PRICKLE1: variants seen among roughly 807,000 people sequenced by gnomAD.
The protein encoded by PRICKLE1 is prickle planar cell polarity protein 1.
In PRICKLE1, 14 loss-of-function variants were observed where a neutral mutation model predicts 70.2. The observed-to-expected ratio is 0.20, with a 90% CI of 0.13 to 0.31. The LOEUF (loss-of-function observed/expected upper bound fraction) is 0.31. Ranked by LOEUF, PRICKLE1 falls within the 10% of genes least tolerant of loss-of-function variation. The probability of loss-of-function intolerance (pLI) is 1.00; values close to 1 mark genes in which losing one functional copy is unlikely to be tolerated. For missense variants in PRICKLE1, 821 were observed against 1,026.2 expected, an observed-to-expected ratio of 0.80 and a Z score of 2.73; for synonymous variants, 357 against 379.9, an observed-to-expected ratio of 0.94 and a Z score of 0.70.
In PRICKLE1 at chr12:42,575,687, C is replaced by T. The variant is rs542860576; in HGVS notation, c.-49+13778G>A. On this transcript the variant is annotated intron_variant, in intron 1 of 7. Coordinates refer to ENST00000345127, the MANE Select transcript of PRICKLE1 (RefSeq NM_153026.3). ...CCAGCCTGGGTGACAGAGCGAAACT[C>T]CATCTCAAAAAAAAATAAAAAAAAA... 3.3e-5 allele frequency among the ~76,000 whole-genome samples: 5 copies of T among 151,290 alleles called. No individual in the cohort carries two copies. In the South Asian group the frequency reaches 1.0e-3, roughly 32 times the overall value.
intron 1 of PRICKLE1, among the ~76,000 whole-genome samples, chr12:42,501,372 T>C (rs1055816425): frequency 1.3e-5 from 2 of 151,858 alleles, no homozygotes; most frequent in Non-Finnish European, 2.9e-5. Context: ...TAGCTGGGCA[T>C]GGAGGCGCGT....
chr12:42,464,924 G>T lies in PRICKLE1; in HGVS notation c.1110C>A (p.Thr370=). The change falls in exon 7 of 8, where the codon ACC becomes ACA. Residue 370 remains threonine, a synonymous_variant. Transcript: ENST00000345127. The surrounding 1 kb of genome is among the most constrained non-coding windows in gnomAD (Gnocchi z 4.2). ...TCAGATCATCCAATTTTCGAGAAAG[G>T]GTGTCATCAGCATTGCCTGAGAGGC... is the stretch of plus-strand genomic sequence containing the variant. The part of the protein sequence containing the change: ...FPGLSGNADD[T]LSRKLDDLSL... The T allele has an allele frequency of 6.2e-7, 1 of 1,614,108 alleles. No individual in the cohort carries two copies. Among genetic ancestry groups the T allele is most frequent in the Non-Finnish European group, 8.5e-7 (1 of 1,180,008 alleles).
chr12:42,496,975 T>C (rs1391840272), intron 1 of PRICKLE1, among the ~76,000 whole-genome samples: 1 of 151,944 alleles, frequency 6.6e-6, no homozygotes, highest in African/African-American at 2.4e-5. Context: ...AACTATTCCT[T>C]TGCAGTCACA....
chr12:42,524,946 A>G (rs1181724442), intron 1 of PRICKLE1: 1 of 152,130 alleles, frequency 6.6e-6, no homozygotes, highest in African/African-American at 2.4e-5. Context: ...GGAATGTCCA[A>G]CGTGATTTCA....
At chr12:42,475,143 T>C (rs1466457884) in intron 1 of PRICKLE1, among the ~76,000 whole-genome samples, 1 of 152,234 alleles carries the variant, frequency 6.6e-6, no homozygotes, top group African/African-American at 2.4e-5. Context: ...ATCTCAATCT[T>C]ACAATTCCCA....
Position 42,584,632 on chromosome 12 carries a change from T to C in PRICKLE1, c.-49+4833A>G, listed in dbSNP as rs1453586795. Among the ~76,000 whole-genome samples the C allele has an allele frequency of 3.3e-5, 5 of 152,066 alleles. 1 individual carries two copies. The highest frequency in any genetic ancestry group is 3.8e-4 in the East Asian group (2 of 5,196). On this transcript the variant is annotated intron_variant, in intron 1 of 7. Transcript: ENST00000345127. ...TAGCCTTTATTTAAATTAAAAGCAA[T>C]CACAGCCTGATTCTTGGAACACACT...
chr12:42,551,141 CTT>C (rs553492750), intron 1 of PRICKLE1, among the ~76,000 whole-genome samples: 11 of 152,146 alleles, frequency 7.2e-5, no homozygotes, highest in Non-Finnish European at 4.4e-5. Context: ...TCAGCTAACT[CTT>C]TTTAAAAATT....
intron 1 of PRICKLE1, among the ~76,000 whole-genome samples, chr12:42,572,698 GC>G (rs1940739025): frequency 6.6e-6 from 1 of 151,880 alleles, no homozygotes; most frequent in African/African-American, 2.4e-5. Context: ...ATGGTGGCAT[GC>G]CCCTGTAGTC....
At chr12:42,569,818 T>C (rs1940678396) in intron 1 of PRICKLE1, among the ~76,000 whole-genome samples, 4 of 151,996 alleles carry the variant, frequency 2.6e-5, no homozygotes. Flanking sequence ...ATGTTTAAGA[T>C]GAGCATTGTG....
intron 1 of PRICKLE1, among the ~76,000 whole-genome samples, chr12:42,519,369 T>G (rs1379373200): frequency 6.6e-6 from 1 of 151,792 alleles, no homozygotes; most frequent in Non-Finnish European, 1.5e-5. Context: ...GCTAATTTTG[T>G]GTTTTTAGTA....
chr12:42,544,178 G>T (rs1172138490), intron 1 of PRICKLE1, among the ~76,000 whole-genome samples: 1 of 152,122 alleles, frequency 6.6e-6, no homozygotes, highest in Non-Finnish European at 1.5e-5. Context: ...CAACATTGCT[G>T]CCCATCAAGA....
chr12:42,532,402 T>C (rs1034575097), intron 1 of PRICKLE1, among the ~76,000 whole-genome samples: 1 of 152,208 alleles, frequency 6.6e-6, no homozygotes, highest in Admixed American at 6.5e-5. Context: ...TATAAAACTA[T>C]AGACCAGTGT....
At chr12:42,586,688 G>A (rs967032998) in intron 1 of PRICKLE1, among the ~76,000 whole-genome samples, 9 of 152,084 alleles carry the variant, frequency 5.9e-5, no homozygotes, top group Admixed American at 1.3e-4. Context: ...CTTAATTACT[G>A]GAAAATACTT....
chr12:42,567,331 T>C (rs1234634633), intron 1 of PRICKLE1, among the ~76,000 whole-genome samples: 1 of 152,250 alleles, frequency 6.6e-6, no homozygotes, highest in Non-Finnish European at 1.5e-5. Flanking sequence ...GAACTTGTTT[T>C]ATGAAGACTA....
At chr12:42,576,863 C>T (rs1364924486) in intron 1 of PRICKLE1, among the ~76,000 whole-genome samples, 1 of 152,146 alleles carries the variant, frequency 6.6e-6, no homozygotes, top group Non-Finnish European at 1.5e-5. Context: ...CTAAAAGGAA[C>T]ATCTAGGCCA....
chr12:42,527,800 ACATGAT>A (rs1465871022), intron 1 of PRICKLE1, among the ~76,000 whole-genome samples: 1 of 151,670 alleles, frequency 6.6e-6, no homozygotes, highest in South Asian at 2.1e-4. Context: ...TTTAAATAAG[ACATGAT>A]CAAGAAGCAC....
intron 1 of PRICKLE1, among the ~76,000 whole-genome samples, chr12:42,503,768 C>T (rs1939356911): frequency 1.3e-5 from 2 of 152,156 alleles, no homozygotes; most frequent in Admixed American, 6.5e-5. Context: ...TCTGATTTAC[C>T]TCCTCACCTT....
chr12:42,569,553 T>C (rs961154401), intron 1 of PRICKLE1, among the ~76,000 whole-genome samples: 2 of 152,250 alleles, frequency 1.3e-5, no homozygotes, highest in Non-Finnish European at 2.9e-5. Flanking sequence ...CAGGTTTTTA[T>C]ATACCAGTAA....
chr12:42,551,271 T>C (rs1337087885), intron 1 of PRICKLE1, among the ~76,000 whole-genome samples: 1 of 152,162 alleles, frequency 6.6e-6, no homozygotes, highest in Non-Finnish European at 1.5e-5. Context: ...GTTGAGGTGA[T>C]CATGAGAAAA....
Sources: allele counts gnomAD v4.1 joint callset (sites outside exome capture counted in the v4.1 genomes callset), GRCh38; gene constraint gnomAD v4.1.1; non-coding constraint Gnocchi (gnomAD v3.1); transcripts MANE v1.5; gene names NCBI Gene and HGNC (gene_info 2026-07-23, HGNC 2026-07-21).